TMPRSS11E: variants seen among roughly 807,000 people sequenced by gnomAD.
TMPRSS11E encodes transmembrane protease serine 11E.
TMPRSS11E carries 38 observed loss-of-function variants against 48.1 expected under a neutral mutation model. That is an observed-to-expected ratio of 0.79 (90% confidence interval 0.61 to 1.04). TMPRSS11E has a LOEUF of 1.04. Ranked by LOEUF, TMPRSS11E falls within the 50% of genes least tolerant of loss-of-function variation. The probability of loss-of-function intolerance (pLI) is 0.00; values close to 1 mark genes in which losing one functional copy is unlikely to be tolerated. For synonymous variants in TMPRSS11E, 158 were observed against 171.9 expected (o/e 0.92, Z 0.63); for missense variants, 530 against 510.8 (o/e 1.04, Z -0.36).
intron 2 of TMPRSS11E, among the ~76,000 whole-genome samples, chr4:68,462,408 G>A (rs1484486885): frequency 7.5e-6 from 1 of 132,506 alleles, no homozygotes; most frequent in African/African-American, 2.9e-5. Context: ...GAAACCCCGT[G>A]TCTACTAAAA....
chr4:68,482,769 C>T (rs138040271), intron 9 of TMPRSS11E, among the ~76,000 whole-genome samples: 100,294 of 151,588 alleles, frequency 0.66, 33,544 homozygotes, highest in East Asian at 0.86. Context: ...AAGACTTCAT[C>T]TTGGGGAAAA....
chr4:68,461,717 C>A, intron 1 of TMPRSS11E, 104 bp from the exon 2 acceptor site: 1 of 1,554,122 alleles, frequency 6.4e-7, no homozygotes, highest in Non-Finnish European at 8.8e-7. Context: ...CAGTACACGA[C>A]CCTCCAACTG....
intron 3 of TMPRSS11E, 107 bp from the exon 4 acceptor site, chr4:68,468,772 G>GA (rs1231383146): frequency 1.1e-6 from 1 of 879,094 alleles, no homozygotes; most frequent in Non-Finnish European, 1.9e-6. Context: ...AAATGTCAAT[G>GA]TTTTTTGCTC....
chr4:68,454,756 CA>C (rs1401590658), intron 1 of TMPRSS11E, among the ~76,000 whole-genome samples: 2 of 151,904 alleles, frequency 1.3e-5, no homozygotes, highest in African/African-American at 4.8e-5. Flanking sequence ...GAGGACACAA[CA>C]AGGTGTCAGC....
At chr4:68,485,876 T>C (rs992960201) in intron 9 of TMPRSS11E, among the ~76,000 whole-genome samples, 5 of 152,148 alleles carry the variant, frequency 3.3e-5, no homozygotes, top group Non-Finnish European at 5.9e-5. Flanking sequence ...TGGTTCAATA[T>C]TGGGAGTTTG....
intron 9 of TMPRSS11E, among the ~76,000 whole-genome samples, chr4:68,491,304 A>AAAAG: frequency 2.0e-5 from 1 of 49,092 alleles, no homozygotes; most frequent in East Asian, 2.5e-4. Context: ...TGAAGCAAAA[A>AAAAG]AAAAAAAAAA....
At chr4:68,471,247 T>TTCTC (rs1255431534) in intron 4 of TMPRSS11E, among the ~76,000 whole-genome samples, 6 of 150,934 alleles carry the variant, frequency 4.0e-5, no homozygotes, top group Non-Finnish European at 7.4e-5. Context: ...TTTCTTTTCT[T>TTCTC]TCTCTCTCTC....
intron 9 of TMPRSS11E, among the ~76,000 whole-genome samples, chr4:68,490,672 C>A (rs1408653974): frequency 6.6e-6 from 1 of 151,172 alleles, no homozygotes; most frequent in Non-Finnish European, 1.5e-5. Context: ...CACTACCTCT[C>A]CTCAGACATG....
chr4:68,479,578 T>A (rs1413769411), intron 9 of TMPRSS11E, among the ~76,000 whole-genome samples: 1 of 149,912 alleles, frequency 6.7e-6, no homozygotes, highest in African/African-American at 2.4e-5. Context: ...AATAAAAAAC[T>A]TACTTCCCCT....
rs757373164 is a variant in TMPRSS11E, at chr4:68,461,929, T to G, written c.120T>G (p.Val40=). 2 of 1,614,204 alleles carry G rather than the reference T, an allele frequency of 1.2e-6. No individual in the cohort carries two copies. The highest frequency in any genetic ancestry group is 1.7e-6 in the Non-Finnish European group (2 of 1,180,006). ...TGGCAGTGTGCATTGGACTCACTGT[T>G]CATTATGTGAGATATAGTAAGTATA... ...IVLAVCIGLT[V]HYVRYNQKKT... Residue 40 remains valine, a synonymous_variant, in exon 2 of 10, where the codon GTT becomes GTG. Transcript: ENST00000305363.
rs139135337 is a variant in TMPRSS11E at position 68,458,109 on chromosome 4, G to A, written c.12-3712G>A. ...TTCTTTTTTTAAAAGACCAACTATT[G>A]ATTGGTGGTATTGCTGTGAAGAGGC... is the stretch of plus-strand genomic sequence containing the variant. On this transcript the variant is annotated intron_variant, in intron 1 of 9. Transcript: ENST00000305363. Among the ~76,000 whole-genome samples the A allele has an allele frequency of 5.2e-3, 787 of 152,080 alleles. 5 individuals are homozygous for A. The highest frequency in any genetic ancestry group is 8.9e-3 in the Non-Finnish European group (606 of 67,980).
At chr4:68,459,310 G>GTT in intron 1 of TMPRSS11E, among the ~76,000 whole-genome samples, 1 of 150,768 alleles carries the variant, frequency 6.6e-6, no homozygotes, top group Non-Finnish European at 1.5e-5. Flanking sequence ...ATCTTCCTTA[G>GTT]TTTTTTTTTC....
chr4:68,482,282 T>A (rs1349628555), intron 9 of TMPRSS11E, among the ~76,000 whole-genome samples: 4 of 152,062 alleles, frequency 2.6e-5, no homozygotes, highest in African/African-American at 9.7e-5. Flanking sequence ...TCCCACCAGG[T>A]CCTACCTTCA....
chr4:68,453,976 C>T (rs955241045), intron 1 of TMPRSS11E, among the ~76,000 whole-genome samples: 2 of 151,802 alleles, frequency 1.3e-5, no homozygotes, highest in Non-Finnish European at 2.9e-5. Flanking sequence ...TTCCAGCCAA[C>T]AAAATAGAGA....
At chr4:68,467,369 T>C (rs1728955178) in intron 3 of TMPRSS11E, among the ~76,000 whole-genome samples, 1 of 152,118 alleles carries the variant, frequency 6.6e-6, no homozygotes, top group African/African-American at 2.4e-5. Flanking sequence ...ATTAGCAGCA[T>C]GGGCCAAAAG....
At position 68,462,946 on chromosome 4, in the gene TMPRSS11E, T is replaced by C. The variant is rs375635475; in HGVS notation, c.136+1001T>C. Among the ~76,000 whole-genome samples, 14 of 152,310 alleles carry C rather than the reference T, an allele frequency of 9.2e-5. No homozygotes were observed. The East Asian group carries it at 2.3e-3, about 25-fold the overall frequency. ...GCCCTTCTGAAGTTTCCTCCTACTC[T>C]GCCTAGGGTTTTAATTACTTGACTC... is the stretch of plus-strand genomic sequence containing the variant. On this transcript the variant is annotated intron_variant, in intron 2 of 9. Coordinates refer to ENST00000305363, the MANE Select transcript of TMPRSS11E (RefSeq NM_014058.4).
intron 1 of TMPRSS11E, among the ~76,000 whole-genome samples, chr4:68,451,923 T>C (rs1340094528): frequency 1.3e-5 from 2 of 151,958 alleles, no homozygotes; most frequent in South Asian, 2.1e-4. Context: ...GTCTCCTTTG[T>C]CTGCCTAAGT....
At chr4:68,489,155 T>C (rs1183327680) in intron 9 of TMPRSS11E, among the ~76,000 whole-genome samples, 1 of 152,192 alleles carries the variant, frequency 6.6e-6, no homozygotes, top group Non-Finnish European at 1.5e-5. Flanking sequence ...CTTTGATGCC[T>C]TTTGTGGTTT....
At chr4:68,490,194 G>T (rs1472607486) in intron 9 of TMPRSS11E, among the ~76,000 whole-genome samples, 1 of 152,114 alleles carries the variant, frequency 6.6e-6, no homozygotes, top group African/African-American at 2.4e-5. Flanking sequence ...CCTGGGGTCT[G>T]CATTCTCCTT....
Sources: gnomAD v4.1 joint callset for allele counts (sites outside exome capture counted in the v4.1 genomes callset) on GRCh38, gnomAD v4.1.1 for gene constraint, MANE v1.5 for transcripts, NCBI Gene and HGNC (gene_info 2026-07-23, HGNC 2026-07-21) for gene names.